Variants in PRRC2B observed in about 807,000 individuals in gnomAD.
PRRC2B encodes proline rich coiled-coil 2B.
A neutral mutation model predicts 242.3 loss-of-function variants in PRRC2B; 68 were observed. The observed-to-expected ratio is 0.28, with a 90% CI of 0.23 to 0.34. The LOEUF (loss-of-function observed/expected upper bound fraction) is 0.34, where lower values mean the gene tolerates loss of function less well. Among genes scored for constraint, PRRC2B ranks in the 10% least tolerant of loss-of-function variants. PRRC2B has a pLI of 1.00. For synonymous variants in PRRC2B, 1,228 were observed against 1,173.6 expected (o/e 1.05, Z -0.95); for missense variants, 2,835 against 2,954.8 (o/e 0.96, Z 0.94).
intron 1 of PRRC2B, among the ~76,000 whole-genome samples, chr9:131,419,830 G>A (rs1375987180): frequency 2.6e-5 from 4 of 151,956 alleles, no homozygotes; most frequent in Admixed American, 6.5e-5. Flanking sequence ...GGGTGGCGGC[G>A]TGGGGCCAGC....
intron 1 of PRRC2B, among the ~76,000 whole-genome samples, chr9:131,395,857 G>A (rs1347417540): frequency 5.3e-5 from 8 of 152,186 alleles, no homozygotes; most frequent in Admixed American, 5.2e-4. Flanking sequence ...TGTGGCAGTT[G>A]GTCAGTTTAA....
At chr9:131,445,714 C>T (rs1434843540) in intron 6 of PRRC2B, among the ~76,000 whole-genome samples, 2 of 152,182 alleles carry the variant, frequency 1.3e-5, no homozygotes, top group African/African-American at 4.8e-5. Context: ...ACTCAGAGAC[C>T]TTTGTGCTTC....
In PRRC2B at chr9:131,455,063, C is replaced by G. The variant is rs576922325; in HGVS notation, c.1121-13C>G. The G allele has an allele frequency of 1.2e-6, 2 of 1,604,022 alleles. No homozygotes were observed. The highest frequency in any genetic ancestry group is 1.3e-5 in the African/African-American group (1 of 74,870). ...TTCTTTCTCATTCTTCCTGGGCCCTCCTGCTGTTGTAGGCCTCCATGAAGA... is the reference window on the plus strand; with the variant it reads ...TTCTTTCTCATTCTTCCTGGGCCCTGCTGCTGTTGTAGGCCTCCATGAAGA... On this transcript the variant is annotated splice_polypyrimidine_tract_variant and intron_variant, in intron 9 of 31. Transcript: ENST00000683519.
chr9:131,408,518 A>G (rs1837426298), intron 1 of PRRC2B, among the ~76,000 whole-genome samples: 1 of 152,226 alleles, frequency 6.6e-6, no homozygotes, highest in Admixed American at 6.5e-5. Flanking sequence ...AGTCTGAACT[A>G]AACAGAACTT....
intron 10 of PRRC2B, among the ~76,000 whole-genome samples, chr9:131,457,463 C>T (rs1943114470): frequency 6.6e-6 from 1 of 152,156 alleles, no homozygotes; most frequent in South Asian, 2.1e-4. Flanking sequence ...ATCAGAGTGC[C>T]CGAACGATCT....
Position 131,487,806 on chromosome 9 carries a change from C to T in PRRC2B, c.5985-50C>T, listed in dbSNP as rs544534888. 618 of 1,569,596 alleles carry T rather than the reference C, an allele frequency of 3.9e-4. 6 individuals carry two copies. In the South Asian group the frequency reaches 6.5e-3, roughly 17 times the overall value. ...GATCTCTGAAGGGTGGGACCAGATC[C>T]GCAGCTGGACTCATCCACCTGATCC... On this transcript the variant is annotated intron_variant, in intron 27 of 31. Transcript: ENST00000683519. The surrounding 1 kb of genome is among the most constrained non-coding windows in gnomAD (Gnocchi z 5.3).
At chr9:131,438,383 G>A (rs1251464873) in intron 4 of PRRC2B, among the ~76,000 whole-genome samples, 2 of 152,126 alleles carry the variant, frequency 1.3e-5, no homozygotes, top group Non-Finnish European at 2.9e-5. Context: ...GGGGTGGTGA[G>A]CATTCAGTCA....
Position 131,432,808 on chromosome 9 carries a change from G to T in PRRC2B, c.293+14G>T, listed in dbSNP as rs368487482. 5.6e-5 allele frequency: 90 copies of T among 1,612,570 alleles called. No homozygotes were observed. The highest frequency in any genetic ancestry group is 7.0e-5 in the Non-Finnish European group (83 of 1,179,076). ...AGACCCAAAGAGGTAAACGGAGGAG[G>T]CGGGTGGTGAGTGGGAGCTGGCGCT... On this transcript the variant is annotated intron_variant, in intron 3 of 31. Coordinates refer to ENST00000683519, the MANE Select transcript of PRRC2B (RefSeq NM_013318.4).
chr9:131,475,095 A>C lies in PRRC2B; in HGVS notation c.2966A>C (p.Glu989Ala). 3 of 1,611,534 alleles carry C rather than the reference A, an allele frequency of 1.9e-6. No homozygotes were observed. Among genetic ancestry groups the C allele is most frequent in the Non-Finnish European group, 2.5e-6 (3 of 1,178,848 alleles). Residue 989 changes from glutamate (E) to alanine (A), a missense_variant, in exon 16 of 32, where the codon GAA becomes GCA. Glu to Ala is a moderately radical substitution (Grantham distance 107). Around this residue, in one of 7 missense-constraint regions of PRRC2B, gnomAD observed 1,536 missense variants for 1,483.1 expected, o/e 1.04. Transcript: ENST00000683519. ...CCCACGGCAGAAAAGGATGAGGACG[A>C]AGAGAACGATGCCTCTCTGGCCAAC... Reference protein sequence around the residue: ...QSPTAEKDEDEENDASLANSS... With the variant: ...QSPTAEKDEDAENDASLANSS...
chr9:131,485,281 C>CGT, intron 25 of PRRC2B, 141 bp downstream of exon 25: 1 of 690,006 alleles, frequency 1.4e-6, no homozygotes, highest in Non-Finnish European at 2.4e-6. Context: ...GCCCAGTGGT[C>CGT]GTAGCTCCCA....
intron 11 of PRRC2B, among the ~76,000 whole-genome samples, chr9:131,461,695 C>G (rs1024937100): frequency 3.9e-5 from 6 of 152,208 alleles, no homozygotes; most frequent in African/African-American, 1.2e-4. Flanking sequence ...CGTGCACCAC[C>G]ATGCCTGGCT....
intron 1 of PRRC2B, among the ~76,000 whole-genome samples, chr9:131,398,685 C>G (rs1333157378): frequency 6.6e-6 from 1 of 152,170 alleles, no homozygotes; most frequent in African/African-American, 2.4e-5. Context: ...CCTTTAAATA[C>G]ATTTTTCTTG....
intron 4 of PRRC2B, 35 bp downstream of exon 4, chr9:131,436,757 G>T: frequency 6.5e-7 from 1 of 1,541,848 alleles, no homozygotes; most frequent in South Asian, 1.1e-5. Context: ...CTGTTTCCTG[G>T]GCATGGTAGC....
intron 1 of PRRC2B, among the ~76,000 whole-genome samples, chr9:131,394,646 G>A (rs1029166744): frequency 1.5e-4 from 22 of 151,418 alleles, no homozygotes; most frequent in African/African-American, 5.1e-4. Flanking sequence ...CCCGCAGCCG[G>A]GTCTCGGGGT....
At position 131,492,164 on chromosome 9, in the gene PRRC2B, T is replaced by C; in HGVS notation, c.6382-5T>C. On this transcript the variant is annotated splice_polypyrimidine_tract_variant and splice_region_variant and intron_variant, in intron 29 of 31. Coordinates refer to ENST00000683519, the MANE Select transcript of PRRC2B (RefSeq NM_013318.4). ...TGACAGCTTGTTCCTGCTTGGTCTC[T>C]CTAGCCCTCTCAGATGGAGATGAAA... is the stretch of plus-strand genomic sequence containing the variant. 6.2e-7 allele frequency: 1 copy of C among 1,612,870 alleles called. No individual in the cohort carries two copies. Among genetic ancestry groups the C allele is most frequent in the Non-Finnish European group, 8.5e-7 (1 of 1,178,982 alleles).
At chr9:131,396,484 C>T (rs769969717) in intron 1 of PRRC2B, among the ~76,000 whole-genome samples, 1 of 151,994 alleles carries the variant, frequency 6.6e-6, no homozygotes, top group Non-Finnish European at 1.5e-5. Flanking sequence ...TGCCACCACA[C>T]CTGGCCAATT....
chr9:131,437,367 C>T (rs1009492363), intron 4 of PRRC2B, among the ~76,000 whole-genome samples: 1 of 152,184 alleles, frequency 6.6e-6, no homozygotes, highest in African/African-American at 2.4e-5. Context: ...AAGTGTTTTT[C>T]TAAGCAGAAA....
At chr9:131,476,651 GC>G in intron 16 of PRRC2B, 116 bp downstream of exon 16, 2 of 882,392 alleles carry the variant, frequency 2.3e-6, no homozygotes, top group Non-Finnish European at 3.4e-6. Context: ...CTGCCCCCAG[GC>G]CGTCTGTGCG....
intron 1 of PRRC2B, among the ~76,000 whole-genome samples, chr9:131,411,744 G>A (rs1837514463): frequency 6.6e-6 from 1 of 152,146 alleles, no homozygotes; most frequent in African/African-American, 2.4e-5. Flanking sequence ...AGCTCTTGGG[G>A]TTATTATTTC....
Sources: gnomAD v4.1 joint callset for allele counts (sites outside exome capture counted in the v4.1 genomes callset) on GRCh38, gnomAD v4.1.1 for gene constraint, gnomAD v4.1.1 regional missense constraint, Gnocchi (gnomAD v3.1) non-coding constraint, MANE v1.5 for transcripts, NCBI Gene and HGNC (gene_info 2026-07-23, HGNC 2026-07-21) for gene names.